The following ARAP2 variants were observed in gnomAD, a reference collection of about 807,000 sequenced individuals.
ARAP2 encodes arf-GAP with Rho-GAP domain, ANK repeat and PH domain-containing protein 2.
Under a neutral mutation model 194.5 loss-of-function variants are expected in ARAP2, and 148 were observed. That is an observed-to-expected ratio of 0.76 (90% CI 0.67 to 0.87). The LOEUF (loss-of-function observed/expected upper bound fraction) is 0.87, where lower values mean the gene tolerates loss of function less well. Among genes scored for constraint, ARAP2 ranks in the 40% least tolerant of loss-of-function variants. The pLI, the probability that ARAP2 is intolerant of heterozygous loss-of-function variation, is 0.00. For missense variants in ARAP2, 2,128 were observed against 1,989.7 expected, an observed-to-expected ratio of 1.07 and a Z score of -1.32; for synonymous variants, 695 against 683.5, an observed-to-expected ratio of 1.02 and a Z score of -0.26.
At chr4:36,132,049 T>C (rs2109607569) in intron 20 of ARAP2, among the ~76,000 whole-genome samples, 1 of 151,924 alleles carries the variant, frequency 6.6e-6, no homozygotes, top group Non-Finnish European at 1.5e-5. Context: ...ATACTTAAAA[T>C]GACACTCTCC....
chr4:36,229,494 GC>G lies in ARAP2; in HGVS notation c.-9del. 1 of 1,587,802 alleles carries G rather than the reference GC, an allele frequency of 6.3e-7. No homozygotes were observed. The highest frequency in any genetic ancestry group is 8.6e-7 in the Non-Finnish European group (1 of 1,165,196). On this transcript the variant is annotated 5_prime_UTR_variant, in exon 2 of 33. Transcript: ENST00000303965. ...TTCACTGACTGAGGACATAATGGTGGCTTCATTACTAAGCTGAGTTACAAAA... is the reference window on the plus strand; with the variant it reads ...TTCACTGACTGAGGACATAATGGTGGTTCATTACTAAGCTGAGTTACAAAA...
intron 27 of ARAP2, among the ~76,000 whole-genome samples, chr4:36,096,762 A>T (rs1283803296): frequency 6.6e-6 from 1 of 152,168 alleles, no homozygotes; most frequent in Non-Finnish European, 1.5e-5. Context: ...CTTCTGGTAC[A>T]ATGTCTTAAT....
chr4:36,104,168 G>GA (rs999713429), intron 27 of ARAP2, among the ~76,000 whole-genome samples: 2 of 150,614 alleles, frequency 1.3e-5, no homozygotes, highest in Admixed American at 6.7e-5. Flanking sequence ...TTGTTACTGA[G>GA]AAAAAATGTG....
At chr4:36,082,064 C>T (rs1729684466) in intron 30 of ARAP2, among the ~76,000 whole-genome samples, 187 bp downstream of exon 30, 5 of 152,066 alleles carry the variant, frequency 3.3e-5, no homozygotes. Context: ...AAATAGGATA[C>T]ATGGGACTTG....
At position 36,096,613 on chromosome 4, in the gene ARAP2, T is replaced by C. The variant is rs552872214; in HGVS notation, c.4286-4593A>G. 2.6e-5 allele frequency among the ~76,000 whole-genome samples: 4 copies of C among 152,210 alleles called. No individual in the cohort carries two copies. In the East Asian group the frequency reaches 5.8e-4, roughly 22 times the overall value. Reference sequence around the variant, plus strand: ...GATCCTAACCATGAATAAACATATATAACAAACCCAATAGTTTTCATGATA... The same window carrying C: ...GATCCTAACCATGAATAAACATATACAACAAACCCAATAGTTTTCATGATA... On this transcript the variant is annotated intron_variant, in intron 27 of 32. Coordinates refer to ENST00000303965, the MANE Select transcript of ARAP2 (RefSeq NM_015230.4).
chr4:36,237,760 T>C (rs530114811), intron 1 of ARAP2, among the ~76,000 whole-genome samples: 21 of 152,158 alleles, frequency 1.4e-4, no homozygotes, highest in Non-Finnish European at 2.5e-4. Context: ...TTTACAGCAA[T>C]ACAAGTGGAC....
Position 36,117,048 on chromosome 4 carries a change from C to T in ARAP2, c.4038+13G>A. Reference sequence around the variant, plus strand: ...TTCCAACAGTCCTCTTTACATCCACCTTTAGAACTTACCCGAATTATAATA... The same window carrying T: ...TTCCAACAGTCCTCTTTACATCCACTTTTAGAACTTACCCGAATTATAATA... On this transcript the variant is annotated intron_variant, in intron 25 of 32. Coordinates refer to ENST00000303965, the MANE Select transcript of ARAP2 (RefSeq NM_015230.4). 1 of 1,566,238 alleles carries T rather than the reference C, an allele frequency of 6.4e-7. No individual in the cohort carries two copies. The highest frequency in any genetic ancestry group is 8.7e-7 in the Non-Finnish European group (1 of 1,155,400).
intron 11 of ARAP2, among the ~76,000 whole-genome samples, chr4:36,163,355 CAAAT>C (rs1350725532): frequency 2.0e-5 from 3 of 151,874 alleles, no homozygotes; most frequent in Non-Finnish European, 4.4e-5. Context: ...TCGAGACACT[CAAAT>C]AAAGAGACAA....
At chr4:36,011,659 C>A (rs1438774738) in intron 9 of ARAP2, among the ~76,000 whole-genome samples, 1 of 152,134 alleles carries the variant, frequency 6.6e-6, no homozygotes, top group East Asian at 1.9e-4. Context: ...TACAAATGCA[C>A]CCTCATTCTC....
chr4:36,193,811 A>G (rs977694155), intron 6 of ARAP2, among the ~76,000 whole-genome samples, 164 bp from the exon 7 acceptor site: 2 of 152,216 alleles, frequency 1.3e-5, no homozygotes, highest in Admixed American at 1.3e-4. Context: ...CACATAGGAA[A>G]AAATAGCATA....
At chr4:36,077,119 C>T (rs1378687373) in intron 31 of ARAP2, among the ~76,000 whole-genome samples, 1 of 151,998 alleles carries the variant, frequency 6.6e-6, no homozygotes, top group Non-Finnish European at 1.5e-5. Flanking sequence ...GAACTAAGGA[C>T]TAGACATTTT....
chr4:36,236,688 G>A (rs1752518567), intron 1 of ARAP2, among the ~76,000 whole-genome samples: 1 of 152,184 alleles, frequency 6.6e-6, no homozygotes, highest in Non-Finnish European at 1.5e-5. Context: ...ATAAGAGCTG[G>A]CCATATTCCA....
At chr4:36,054,924 C>A (rs2109259555) in intron 2 of ARAP2, among the ~76,000 whole-genome samples, 1 of 152,262 alleles carries the variant, frequency 6.6e-6, no homozygotes. Flanking sequence ...TGATGGATTA[C>A]AAATGAGGTC....
At chr4:36,204,987 C>CAAAAAAAAAAAAAAAAA (rs754960122) in intron 6 of ARAP2, among the ~76,000 whole-genome samples, 5 of 35,084 alleles carry the variant, frequency 1.4e-4, no homozygotes, top group African/African-American at 2.7e-4. Context: ...GACTCCATCT[C>CAAAAAAAAAAAAAAAAA]AAAAAAAAAA....
intron 26 of ARAP2, among the ~76,000 whole-genome samples, chr4:36,109,005 G>C (rs1208913399): frequency 6.6e-6 from 1 of 151,944 alleles, no homozygotes; most frequent in Admixed American, 6.6e-5. Flanking sequence ...AAACAGGAAA[G>C]AGCATATCAA....
chr4:36,118,851 T>C (rs190164376), intron 24 of ARAP2, among the ~76,000 whole-genome samples: 1 of 151,622 alleles, frequency 6.6e-6, no homozygotes, highest in East Asian at 1.9e-4. Flanking sequence ...GGCCTTCCTC[T>C]ATTTTCTTTA....
intron 5 of ARAP2, among the ~76,000 whole-genome samples, chr4:36,032,853 TG>T (rs1032762136): frequency 1.3e-5 from 2 of 152,158 alleles, no homozygotes; most frequent in Admixed American, 6.5e-5. Context: ...TAGGCGCCAG[TG>T]TCTGTTGTTC....
chr4:36,175,242 A>T lies in ARAP2; in HGVS notation c.1857+2585T>A, dbSNP rs1737615193. Among the ~76,000 whole-genome samples the T allele has an allele frequency of 2.6e-5, 4 of 152,218 alleles. 1 individual carries two copies. In the South Asian group the frequency reaches 8.3e-4, roughly 32 times the overall value. Reference sequence around the variant, plus strand: ...ACAAGATTACTGTGTGTGTTTGTATAAAATTTTCGAAGTTGCATCAAATCA... The same window carrying T: ...ACAAGATTACTGTGTGTGTTTGTATTAAATTTTCGAAGTTGCATCAAATCA... On this transcript the variant is annotated intron_variant, in intron 9 of 32. Transcript: ENST00000303965.
At position 36,083,112 on chromosome 4, in the gene ARAP2, T is replaced by G. The variant is rs188521984; in HGVS notation, c.4508+256A>C. ...CCAGTAGACAGAGCCTCCCGGGATT[T>G]CTTACTTTACACAGAGAGATTGCAA... On this transcript the variant is annotated intron_variant, in intron 29 of 32. Coordinates refer to ENST00000303965, the MANE Select transcript of ARAP2 (RefSeq NM_015230.4). 4.1e-3 allele frequency among the ~76,000 whole-genome samples: 629 copies of G among 152,134 alleles called. 3 individuals carry two copies. The highest frequency in any genetic ancestry group is 0.014 in the Middle Eastern group (4 of 294).
Sources: gnomAD v4.1 joint callset for allele counts (sites outside exome capture counted in the v4.1 genomes callset) on GRCh38, gnomAD v4.1.1 for gene constraint, MANE v1.5 for transcripts, NCBI Gene and HGNC (gene_info 2026-07-23, HGNC 2026-07-21) for gene names.